The following GPATCH2L variants were observed in gnomAD, a reference collection of about 807,000 sequenced individuals.
GPATCH2L encodes the protein G-patch domain containing 2 like.
GPATCH2L carries 31 observed loss-of-function variants against 57.4 expected under a neutral mutation model. The ratio of observed to expected loss-of-function variants is 0.54; its 90% confidence interval spans 0.41 to 0.73. The LOEUF (loss-of-function observed/expected upper bound fraction) is 0.73, where lower values mean the gene tolerates loss of function less well. Ranked by LOEUF, GPATCH2L falls within the 30% of genes least tolerant of loss-of-function variation. The pLI is 0.00. For synonymous variants in GPATCH2L, 199 were observed against 210.7 expected, an observed-to-expected ratio of 0.94 and a Z score of 0.48; for missense variants, 481 against 599.9, an observed-to-expected ratio of 0.80 and a Z score of 2.07.
chr14:76,178,431 T>G, intron 7 of GPATCH2L: 96 of 301,454 alleles, frequency 3.2e-4, no homozygotes, highest in Non-Finnish European at 4.8e-4. Context: ...GGACCCGGGT[T>G]GGGGGCGTGG....
In GPATCH2L at chr14:76,201,966, A is replaced by G; in HGVS notation, c.*115A>G. On this transcript the variant is annotated 3_prime_UTR_variant, in exon 10 of 10. Transcript: ENST00000261530. ...ACATTCCCAGTCCTTTCACCACCAGAACCAACTCCTCTTTCAAACACAGCA... is the reference window on the plus strand; with the variant it reads ...ACATTCCCAGTCCTTTCACCACCAGGACCAACTCCTCTTTCAAACACAGCA... The G allele has an allele frequency of 1.3e-6, 1 of 757,758 alleles. No homozygotes were observed. Among genetic ancestry groups the G allele is most frequent in the Non-Finnish European group, 2.1e-6 (1 of 474,520 alleles). The allele number at this position is 757,758 out of a possible 1,614,324, so 46.9% of individuals were successfully genotyped here.
chr14:76,222,904 C>T (rs183035853), intron 1 of GPATCH2L, among the ~76,000 whole-genome samples: 10 of 145,428 alleles, frequency 6.9e-5, no homozygotes, highest in Admixed American at 3.5e-4. Flanking sequence ...TGCAGTGAGC[C>T]GAGATCGCAC....
intron 2 of GPATCH2L, among the ~76,000 whole-genome samples, chr14:76,164,275 C>T (rs2038730528): frequency 1.3e-5 from 2 of 152,190 alleles, no homozygotes; most frequent in African/African-American, 4.8e-5. Flanking sequence ...AACTTAGGCA[C>T]TACTGGCATT....
chr14:76,215,012 C>G (rs1280220866), downstream of GPATCH2L, among the ~76,000 whole-genome samples: 1 of 151,962 alleles, frequency 6.6e-6, no homozygotes, highest in Non-Finnish European at 1.5e-5. Flanking sequence ...AATTCTTTTA[C>G]TTTTGAAGTT....
chr14:76,174,384 G>C (rs1212510470), intron 5 of GPATCH2L: 1 of 152,226 alleles, frequency 6.6e-6, no homozygotes, highest in Admixed American at 6.5e-5. Flanking sequence ...AGAGAAGATG[G>C]TGGTGGGCAA....
intron 8 of GPATCH2L, among the ~76,000 whole-genome samples, chr14:76,195,030 A>C (rs186844404): frequency 2.0e-5 from 3 of 152,258 alleles, no homozygotes; most frequent in African/African-American, 7.2e-5. Flanking sequence ...CACACCAGTT[A>C]AACATTGCTT....
In GPATCH2L at chr14:76,202,211, G is replaced by T. The variant is rs948053873; in HGVS notation, c.*360G>T. 1 of 169,410 alleles carries T rather than the reference G, an allele frequency of 5.9e-6. No homozygotes were observed. Among genetic ancestry groups the T allele is most frequent in the East Asian group, 1.8e-4 (1 of 5,710 alleles). 10.5% of individuals were successfully genotyped at this position (169,410 alleles called of 1,614,324 possible). ...GTAACTGCTTCTGCATACCTTTTGT[G>T]TAGAGCTTTTAATATCATTTGAGGA... On this transcript the variant is annotated 3_prime_UTR_variant, in exon 10 of 10. Transcript: ENST00000261530.
intron 1 of GPATCH2L, chr14:76,152,820 T>C (rs550964655): frequency 1.7e-4 from 78 of 453,828 alleles, no homozygotes; most frequent in African/African-American, 1.5e-3. Flanking sequence ...TTGCCTGAGT[T>C]TTTAAAGCAG....
chr14:76,191,229 A>G (rs1225083482), intron 8 of GPATCH2L, among the ~76,000 whole-genome samples: 1 of 152,196 alleles, frequency 6.6e-6, no homozygotes, highest in East Asian at 1.9e-4. Flanking sequence ...CATTAAATAA[A>G]TAACACATTA....
Position 76,171,830 on chromosome 14 carries a change from G to A in GPATCH2L, c.728-13G>A. ...TTAAAATTCTAGCTTATGATATGATGTCTTTACTTTAGGTGATGACGAACA... is the reference window on the plus strand; with the variant it reads ...TTAAAATTCTAGCTTATGATATGATATCTTTACTTTAGGTGATGACGAACA... On this transcript the variant is annotated splice_polypyrimidine_tract_variant and intron_variant, in intron 3 of 9. Transcript: ENST00000261530. The A allele has an allele frequency of 6.6e-7, 1 of 1,508,708 alleles. No individual in the cohort carries two copies. The highest frequency in any genetic ancestry group is 2.4e-5 in the East Asian group (1 of 41,290). 93.5% of individuals were successfully genotyped at this position (1,508,708 alleles called of 1,614,324 possible).
At chr14:76,165,717 G>A (rs1159844111) in intron 2 of GPATCH2L, among the ~76,000 whole-genome samples, 4 of 152,182 alleles carry the variant, frequency 2.6e-5, no homozygotes, top group Admixed American at 6.5e-5. Context: ...TTAAGATTTA[G>A]TGTTGGAAGG....
intron 2 of GPATCH2L, among the ~76,000 whole-genome samples, chr14:76,156,569 CAAG>C (rs2038317673): frequency 6.6e-6 from 1 of 152,178 alleles, no homozygotes; most frequent in African/African-American, 2.4e-5. Context: ...TTTAATCAAA[CAAG>C]AAATGCTTAG....
chr14:76,172,084 C>T, intron 4 of GPATCH2L, 65 bp downstream of exon 4: 9 of 1,031,952 alleles, frequency 8.7e-6, no homozygotes, highest in Non-Finnish European at 1.3e-5. Context: ...GCAATCACCC[C>T]CTAGCAAGCA....
In GPATCH2L at chr14:76,209,497, T is replaced by A. The variant is rs1008706104; in HGVS notation, c.*7646T>A. On this transcript the variant is annotated 3_prime_UTR_variant, in exon 10 of 10. Coordinates refer to ENST00000261530, the MANE Select transcript of GPATCH2L (RefSeq NM_017926.4). ...CTAAGGTGGGTCACTCCTGTTTACT[T>A]ATGAGTTGCTATTTATGAAAAGATG... 1 of 152,246 alleles carries A rather than the reference T, an allele frequency of 6.6e-6. No homozygotes were observed. The highest frequency in any genetic ancestry group is 2.4e-5 in the African/African-American group (1 of 41,456). 9.4% of individuals were successfully genotyped at this position (152,246 alleles called of 1,614,324 possible).
At chr14:76,173,287 G>A (rs1409047580) in intron 4 of GPATCH2L, among the ~76,000 whole-genome samples, 2 of 152,018 alleles carry the variant, frequency 1.3e-5, no homozygotes, top group African/African-American at 2.4e-5. Flanking sequence ...CTTCAAAACA[G>A]CCCAGTAAGG....
intron 8 of GPATCH2L, among the ~76,000 whole-genome samples, chr14:76,186,785 A>G (rs2039781835): frequency 6.6e-6 from 1 of 152,162 alleles, no homozygotes; most frequent in Admixed American, 6.5e-5. Context: ...CCATTGTAAG[A>G]TACCCATCTT....
chr14:76,232,019 T>TCTGCAGCC (rs1351063450), intron 2 of GPATCH2L, among the ~76,000 whole-genome samples: 1 of 4,610 alleles, frequency 2.2e-4, no homozygotes. Context: ...TCAAGCAATC[T>TCTGCAGCC]TCCTGCTTCA....
intron 1 of GPATCH2L, among the ~76,000 whole-genome samples, chr14:76,221,558 C>A (rs945680904): frequency 3.3e-5 from 5 of 152,110 alleles, no homozygotes; most frequent in African/African-American, 9.7e-5. Flanking sequence ...ATGTTTATAG[C>A]AGATTTATTT....
chr14:76,216,859 A>G (rs1411241696), downstream of GPATCH2L, among the ~76,000 whole-genome samples: 6 of 152,158 alleles, frequency 3.9e-5, no homozygotes. Flanking sequence ...GAAAATTCTG[A>G]AACAGGCCCA....
Sources: gnomAD v4.1 joint callset for allele counts (sites outside exome capture counted in the v4.1 genomes callset) on GRCh38, gnomAD v4.1.1 for gene constraint, MANE v1.5 for transcripts, NCBI Gene and HGNC (gene_info 2026-07-23, HGNC 2026-07-21) for gene names.